BAIAP2L1: variants seen among roughly 807,000 people sequenced by gnomAD.
BAIAP2L1 encodes BAR/IMD domain containing adaptor protein 2 like 1, also known as BAR/IMD domain-containing adapter protein 2-like 1.
In BAIAP2L1, 35 loss-of-function variants were observed where a neutral mutation model predicts 66.3. The ratio of observed to expected loss-of-function variants is 0.53; its 90% CI spans 0.40 to 0.70. The LOEUF is 0.70. Among genes scored for constraint, BAIAP2L1 ranks in the 30% least tolerant of loss-of-function variants. The pLI, the probability that BAIAP2L1 is intolerant of heterozygous loss-of-function variation, is 0.00. For missense variants in BAIAP2L1, 622 were observed against 656.9 expected (o/e 0.95, Z 0.58); for synonymous variants, 269 against 248.7 (o/e 1.08, Z -0.77).
chr7:98,332,382 CAAAAAAA>C (rs55987839), intron 3 of BAIAP2L1, among the ~76,000 whole-genome samples: 52 of 27,764 alleles, frequency 1.9e-3, no homozygotes, highest in African/African-American at 8.3e-3. Context: ...GACTCCATCT[CAAAAAAA>C]AAAAAAAAAA....
At chr7:98,380,344 AAG>A (rs1007646548) in intron 1 of BAIAP2L1, among the ~76,000 whole-genome samples, 5 of 152,218 alleles carry the variant, frequency 3.3e-5, no homozygotes, top group Non-Finnish European at 5.9e-5. Flanking sequence ...TGGGAAGAAA[AAG>A]AGGTTTCACT....
intron 3 of BAIAP2L1, among the ~76,000 whole-genome samples, chr7:98,336,948 G>A (rs992373304): frequency 6.6e-6 from 1 of 152,160 alleles, no homozygotes; most frequent in Non-Finnish European, 1.5e-5. Flanking sequence ...AATTAGACAA[G>A]TCACTCAACC....
intron 7 of BAIAP2L1, among the ~76,000 whole-genome samples, chr7:98,315,158 G>T (rs1326461498): frequency 6.6e-6 from 1 of 152,190 alleles, no homozygotes; most frequent in African/African-American, 2.4e-5. Flanking sequence ...GTCCCGCTCT[G>T]TTGCTCAGGT....
At chr7:98,312,434 C>T (rs1406908694) in intron 7 of BAIAP2L1, among the ~76,000 whole-genome samples, 170 bp from the exon 8 acceptor site, 2 of 152,176 alleles carry the variant, frequency 1.3e-5, no homozygotes, top group Admixed American at 1.3e-4. Context: ...TCAGCTGTGT[C>T]TCACCGGCTG....
intron 5 of BAIAP2L1, among the ~76,000 whole-genome samples, chr7:98,319,374 C>A (rs897165194): frequency 6.6e-6 from 1 of 152,152 alleles, no homozygotes; most frequent in Non-Finnish European, 1.5e-5. Context: ...CCGGGAGCCC[C>A]GGACGGTGCT....
intron 3 of BAIAP2L1, among the ~76,000 whole-genome samples, chr7:98,349,515 C>A (rs749180481): frequency 9.9e-5 from 15 of 152,066 alleles, no homozygotes; most frequent in South Asian, 2.1e-4. Context: ...GGACTGTGAC[C>A]GCTAATCATG....
At chr7:98,387,360 G>A (rs573929929) in intron 1 of BAIAP2L1, among the ~76,000 whole-genome samples, 9 of 152,198 alleles carry the variant, frequency 5.9e-5, no homozygotes, top group East Asian at 1.9e-4. Context: ...AAACAGCTGC[G>A]GGAAGAACTC....
chr7:98,357,020 A>AATATATAT (rs1554337327), intron 2 of BAIAP2L1, among the ~76,000 whole-genome samples: 2 of 28,100 alleles, frequency 7.1e-5, no homozygotes, highest in African/African-American at 4.6e-4. Flanking sequence ...AAAAAAAAAA[A>AATATATAT]ATATATATAT....
chr7:98,298,203 T>TGG (rs2116803778), intron 12 of BAIAP2L1, among the ~76,000 whole-genome samples: 1 of 152,352 alleles, frequency 6.6e-6, no homozygotes, highest in South Asian at 2.1e-4. Flanking sequence ...AGGACAGCTG[T>TGG]GGGGCTTCCC....
At position 98,376,455 on chromosome 7, in the gene BAIAP2L1, G is replaced by A. The variant is rs113509288; in HGVS notation, c.52-14023C>T. Among the ~76,000 whole-genome samples the A allele has an allele frequency of 2.0e-5, 3 of 152,004 alleles. 1 individual carries two copies. The highest frequency in any genetic ancestry group is 4.8e-5 in the African/African-American group (2 of 41,480). On this transcript the variant is annotated intron_variant, in intron 1 of 13. Transcript: ENST00000005260. The stretch of plus-strand genomic sequence containing the variant: ...GAGCCAGAGAGGTCGAGGTCACAGC[G>A]AGCCACGATCACACAACCATACTCC...
At chr7:98,347,350 G>A (rs777262513) in intron 3 of BAIAP2L1, among the ~76,000 whole-genome samples, 13 of 152,106 alleles carry the variant, frequency 8.5e-5, no homozygotes, top group Non-Finnish European at 1.3e-4. Flanking sequence ...ATTTTTAAAG[G>A]TCATAGAACA....
rs1217038002 is a variant in BAIAP2L1 at position 98,292,467 on chromosome 7, G to A, written c.*1054C>T. On this transcript the variant is annotated 3_prime_UTR_variant, in exon 14 of 14. Transcript: ENST00000005260. Reference sequence around the variant, plus strand: ...GGGATTCCCGTACCTGGGCCGGGCTGGGAATTTTAACCATGACTCTCCACT... The same window carrying A: ...GGGATTCCCGTACCTGGGCCGGGCTAGGAATTTTAACCATGACTCTCCACT... 7 of 650,732 alleles carry A rather than the reference G, an allele frequency of 1.1e-5. No individual in the cohort carries two copies. The highest frequency in any genetic ancestry group is 1.9e-5 in the Non-Finnish European group (7 of 377,754). 40.3% of individuals were successfully genotyped at this position (650,732 alleles called of 1,614,324 possible).
rs935407183 is a variant in BAIAP2L1 at position 98,293,234 on chromosome 7, A to G, written c.*287T>C. 4.6e-5 allele frequency: 16 copies of G among 344,086 alleles called. No individual in the cohort carries two copies. Among genetic ancestry groups the G allele is most frequent in the African/African-American group, 2.7e-4 (13 of 47,978 alleles). The allele number at this position is 344,086 out of a possible 1,614,324, so 21.3% of individuals were successfully genotyped here. A position where few individuals can be genotyped will look rare whatever the true frequency, so the allele number is the denominator to read the frequency against. On this transcript the variant is annotated 3_prime_UTR_variant, in exon 14 of 14. Coordinates refer to ENST00000005260, the MANE Select transcript of BAIAP2L1 (RefSeq NM_018842.5). ...GTTATTAAGGAAAAAATTCATTTAA[A>G]AAATACAGTAAAGATTGAAACCAAG... is the stretch of plus-strand genomic sequence containing the variant.
Position 98,364,662 on chromosome 7 carries a change from T to C in BAIAP2L1, c.52-2230A>G, listed in dbSNP as rs1350373642. Among the ~76,000 whole-genome samples the C allele has an allele frequency of 2.0e-5, 3 of 152,252 alleles. No homozygotes were observed. The East Asian group carries it at 5.8e-4, about 29-fold the overall frequency. On this transcript the variant is annotated intron_variant, in intron 1 of 13. Coordinates refer to ENST00000005260, the MANE Select transcript of BAIAP2L1 (RefSeq NM_018842.5). ...ATTTTGCTGAGTAGAGCAGAGTAGA[T>C]TGAAACTATTTTCCTTAGAATTTTT...
intron 9 of BAIAP2L1, chr7:98,310,242 G>C: frequency 1.9e-6 from 1 of 535,138 alleles, no homozygotes; most frequent in Non-Finnish European, 3.2e-6. Context: ...TCAGAGAAAT[G>C]TATCACTTAT....
intron 8 of BAIAP2L1, among the ~76,000 whole-genome samples, chr7:98,311,247 A>G (rs1198169114): frequency 6.6e-6 from 1 of 152,194 alleles, no homozygotes; most frequent in African/African-American, 2.4e-5. Flanking sequence ...GATTACAAAT[A>G]AAAACAGTAA....
chr7:98,361,446 A>G (rs1309745047), intron 2 of BAIAP2L1, among the ~76,000 whole-genome samples: 1 of 152,130 alleles, frequency 6.6e-6, no homozygotes, highest in African/African-American at 2.4e-5. Flanking sequence ...CAGAAACTAC[A>G]TTTCTACTTA....
intron 2 of BAIAP2L1, chr7:98,355,428 C>T (rs1802096399): frequency 1.6e-5 from 6 of 376,918 alleles, no homozygotes; most frequent in African/African-American, 2.0e-5. Flanking sequence ...AGAGTGGATG[C>T]GTTCCTAACG....
chr7:98,320,899 C>T (rs949831685), intron 3 of BAIAP2L1, among the ~76,000 whole-genome samples: 3 of 152,240 alleles, frequency 2.0e-5, no homozygotes, highest in South Asian at 2.1e-4. Flanking sequence ...CTCTGTCACG[C>T]AGGCTGGAGT....
Sources: allele counts gnomAD v4.1 joint callset (sites outside exome capture counted in the v4.1 genomes callset), GRCh38; gene constraint gnomAD v4.1.1; transcripts MANE v1.5; gene names NCBI Gene and HGNC (gene_info 2026-07-23, HGNC 2026-07-21).